The following FGF14 variants were observed in gnomAD, a reference collection of about 807,000 sequenced individuals.
The protein encoded by FGF14 is fibroblast growth factor homologous factor 4.
In FGF14, 5 loss-of-function variants were observed where a neutral mutation model predicts 25.5. The observed-to-expected ratio is 0.20, with a 90% CI of 0.10 to 0.41. The LOEUF (loss-of-function observed/expected upper bound fraction) is 0.41, where lower values mean the gene tolerates loss of function less well. Among genes scored for constraint, FGF14 ranks in the 10% least tolerant of loss-of-function variants. The pLI, the probability that FGF14 is intolerant of heterozygous loss-of-function variation, is 1.00. For missense variants in FGF14, 222 were observed against 320.1 expected (o/e 0.69, Z 2.34); for synonymous variants, 138 against 118.3 (o/e 1.17, Z -1.08).
intron 1 of FGF14, among the ~76,000 whole-genome samples, chr13:102,179,771 A>C (rs567172283): frequency 6.6e-6 from 1 of 152,272 alleles, no homozygotes; most frequent in East Asian, 1.9e-4. Context: ...TAAATCTTTA[A>C]AACTCCAAAT....
intron 1 of FGF14, chr13:102,394,714 G>A (rs935236830): frequency 1.3e-5 from 2 of 152,412 alleles, no homozygotes; most frequent in African/African-American, 4.8e-5. Flanking sequence ...GGCGGGACCG[G>A]GGACTCTGGG....
Position 101,809,817 on chromosome 13 carries a change from T to C in FGF14, c.408+58908A>G, listed in dbSNP as rs1013366602. 2.6e-5 allele frequency among the ~76,000 whole-genome samples: 4 copies of C among 152,144 alleles called. No homozygotes were observed. In the East Asian group the frequency reaches 7.7e-4, roughly 29 times the overall value. On this transcript the variant is annotated intron_variant, in intron 3 of 4. Coordinates refer to ENST00000376143, the MANE Select transcript of FGF14 (RefSeq NM_004115.4). Reference sequence around the variant, plus strand: ...CCAGCAAACAGAGCCAGCTATCCAATAAATTAATTTTATTCTCACAACCAC... The same window carrying C: ...CCAGCAAACAGAGCCAGCTATCCAACAAATTAATTTTATTCTCACAACCAC...
At chr13:101,847,861 C>T (rs2043544112) in intron 3 of FGF14, among the ~76,000 whole-genome samples, 1 of 151,976 alleles carries the variant, frequency 6.6e-6, no homozygotes, top group African/African-American at 2.4e-5. Flanking sequence ...TTTCCAATCA[C>T]AGGAAACGTT....
intron 1 of FGF14, among the ~76,000 whole-genome samples, chr13:102,016,263 A>G (rs2040338651): frequency 6.6e-6 from 1 of 152,166 alleles, no homozygotes; most frequent in African/African-American, 2.4e-5. Context: ...TTCCTGCACC[A>G]CAATATATAT....
At chr13:101,997,870 AT>A (rs1482171639) in intron 1 of FGF14, among the ~76,000 whole-genome samples, 4 of 152,036 alleles carry the variant, frequency 2.6e-5, no homozygotes, top group Non-Finnish European at 5.9e-5. Context: ...TAGTTTTTAA[AT>A]TTTTTACATT....
chr13:101,973,119 CTTTTTTTT>C (rs35290815), intron 1 of FGF14, among the ~76,000 whole-genome samples: 1 of 127,508 alleles, frequency 7.8e-6, no homozygotes. Context: ...AAGTGTGCTT[CTTTTTTTT>C]TTTTTTTTTT....
chr13:101,769,417 T>C (rs56229600), intron 3 of FGF14, among the ~76,000 whole-genome samples: 3,330 of 152,168 alleles, frequency 0.022, 59 homozygotes, highest in Middle Eastern at 0.051. Context: ...CAACTAAACA[T>C]TGTCTTACTA....
chr13:101,725,156 A>G (rs1185273469), intron 4 of FGF14, among the ~76,000 whole-genome samples: 1 of 152,098 alleles, frequency 6.6e-6, no homozygotes, highest in African/African-American at 2.4e-5. Flanking sequence ...GGTGGCAAAT[A>G]AACAATGGTC....
At chr13:102,367,611 A>G (rs1196919929) in intron 1 of FGF14, 1 of 152,220 alleles carries the variant, frequency 6.6e-6, no homozygotes, top group Non-Finnish European at 1.5e-5. Context: ...ACCTAACTCC[A>G]AACCACCAAA....
chr13:101,905,848 C>T (rs1238889620), intron 1 of FGF14, among the ~76,000 whole-genome samples: 1 of 151,872 alleles, frequency 6.6e-6, no homozygotes, highest in East Asian at 1.9e-4. Flanking sequence ...AAAACTGTAC[C>T]CCATATTTGT....
At position 102,060,173 on chromosome 13, in the gene FGF14, C is replaced by T. The variant is rs2042616816; in HGVS notation, c.209-184877G>A. On this transcript the variant is annotated intron_variant, in intron 1 of 4. Coordinates refer to the FGF14 transcript ENST00000376131. The stretch of plus-strand genomic sequence containing the variant: ...GCAAATATTCAAAAAAAAAAAAATC[C>T]CAAATCCTAAACATTTCTGGTCCCA... Among the ~76,000 whole-genome samples the T allele has an allele frequency of 4.0e-5, 6 of 151,114 alleles. No homozygotes were observed. The South Asian group carries it at 1.3e-3, about 32-fold the overall frequency.
At chr13:101,905,147 T>C (rs2032076457) in intron 1 of FGF14, among the ~76,000 whole-genome samples, 1 of 152,216 alleles carries the variant, frequency 6.6e-6, no homozygotes, top group Admixed American at 6.5e-5. Flanking sequence ...GAGAAGGCTC[T>C]TTTCTGCAGG....
At chr13:102,092,903 A>C (rs1231956952) in intron 1 of FGF14, among the ~76,000 whole-genome samples, 1 of 152,212 alleles carries the variant, frequency 6.6e-6, no homozygotes, top group Non-Finnish European at 1.5e-5. Flanking sequence ...CAAAGGTTTT[A>C]TGAAGAAGAA....
chr13:101,969,223 T>C (rs1208782727), intron 1 of FGF14, among the ~76,000 whole-genome samples: 2 of 152,124 alleles, frequency 1.3e-5, no homozygotes, highest in African/African-American at 2.4e-5. Context: ...AGTTACCAAA[T>C]AAACAACTTC....
At chr13:102,084,497 G>C (rs901855681) in intron 1 of FGF14, among the ~76,000 whole-genome samples, 35 of 151,966 alleles carry the variant, frequency 2.3e-4, no homozygotes, top group African/African-American at 8.5e-4. Context: ...TTTTATAATA[G>C]AGATTCAGGG....
chr13:102,119,625 T>C lies in FGF14; in HGVS notation c.209-244329A>G, dbSNP rs548448497. ...AAATGGTTTAGATGGAAATAAATAATATATATGTATGTCTGTGTGCATATA... is the reference window on the plus strand; with the variant it reads ...AAATGGTTTAGATGGAAATAAATAACATATATGTATGTCTGTGTGCATATA... On this transcript the variant is annotated intron_variant, in intron 1 of 4. Transcript: ENST00000376131. Among the ~76,000 whole-genome samples, 5 of 152,292 alleles carry C rather than the reference T, an allele frequency of 3.3e-5. No individual in the cohort carries two copies. In the South Asian group the frequency reaches 1.0e-3, roughly 32 times the overall value.
chr13:102,227,831 T>C (rs1350857873), intron 1 of FGF14, among the ~76,000 whole-genome samples: 1 of 152,026 alleles, frequency 6.6e-6, no homozygotes, highest in Non-Finnish European at 1.5e-5. Flanking sequence ...GAATAACAGG[T>C]GGGTACTTTC....
At chr13:102,214,311 T>C (rs1470410912) in intron 1 of FGF14, among the ~76,000 whole-genome samples, 1 of 152,240 alleles carries the variant, frequency 6.6e-6, no homozygotes, top group Non-Finnish European at 1.5e-5. Flanking sequence ...TCTGTTTATT[T>C]TGAAGCTATC....
chr13:102,003,356 TA>T (rs2039602791), intron 1 of FGF14: 1 of 152,006 alleles, frequency 6.6e-6, no homozygotes, highest in Admixed American at 6.6e-5. Context: ...AATGAGAAAA[TA>T]AAAATTTCAA....
Sources: gnomAD v4.1 joint callset for allele counts (sites outside exome capture counted in the v4.1 genomes callset) on GRCh38, gnomAD v4.1.1 for gene constraint, MANE v1.5 for transcripts, NCBI Gene and HGNC (gene_info 2026-07-23, HGNC 2026-07-21) for gene names.